The following CDH9 variants were observed in gnomAD, a reference collection of about 807,000 sequenced individuals.
CDH9 encodes cadherin 9.
In CDH9, 28 loss-of-function variants were observed where a neutral mutation model predicts 70.9. That is an observed-to-expected ratio of 0.40 (90% CI 0.29 to 0.54). The LOEUF (loss-of-function observed/expected upper bound fraction) is 0.54. Ranked by LOEUF, CDH9 falls within the 20% of genes least tolerant of loss-of-function variation. CDH9 has a pLI of 0.59. For synonymous variants in CDH9, 409 were observed against 343.1 expected (o/e 1.19, Z -2.12); for missense variants, 874 against 984.4 (o/e 0.89, Z 1.50).
At chr5:27,019,367 A>T (rs1743098352) in intron 1 of CDH9, among the ~76,000 whole-genome samples, 1 of 152,026 alleles carries the variant, frequency 6.6e-6, no homozygotes, top group Non-Finnish European at 1.5e-5. Context: ...GTTTTTTTCT[A>T]AAATGCTAAT....
intron 1 of CDH9, among the ~76,000 whole-genome samples, chr5:27,020,065 T>C (rs1393835198): frequency 6.6e-6 from 1 of 151,800 alleles, no homozygotes; most frequent in Non-Finnish European, 1.5e-5. Flanking sequence ...TGATAATATA[T>C]TCATTATAAT....
chr5:27,015,525 G>A (rs1743032880), intron 1 of CDH9, among the ~76,000 whole-genome samples: 1 of 151,596 alleles, frequency 6.6e-6, no homozygotes, highest in Non-Finnish European at 1.5e-5. Context: ...AGCATCATTA[G>A]TCATTAGATA....
chr5:27,032,650 T>A (rs1437261451), intron 1 of CDH9, among the ~76,000 whole-genome samples: 1 of 151,578 alleles, frequency 6.6e-6, no homozygotes, highest in Non-Finnish European at 1.5e-5. Context: ...GAAGGAGTGG[T>A]AGTAATAAAA....
At chr5:27,000,067 G>T (rs1015927727) in intron 1 of CDH9, among the ~76,000 whole-genome samples, 1 of 151,940 alleles carries the variant, frequency 6.6e-6, no homozygotes, top group Non-Finnish European at 1.5e-5. Context: ...TTATTTTTTT[G>T]TGTAAAACAG....
At chr5:26,905,367 C>T (rs1232472931) in intron 5 of CDH9, among the ~76,000 whole-genome samples, 7 of 152,084 alleles carry the variant, frequency 4.6e-5, no homozygotes, top group African/African-American at 7.2e-5. Flanking sequence ...AACTTGAATA[C>T]GTCTAAAATG....
chr5:26,964,188 G>A (rs944979598), intron 2 of CDH9, among the ~76,000 whole-genome samples: 15 of 151,512 alleles, frequency 9.9e-5, no homozygotes, highest in African/African-American at 3.4e-4. Flanking sequence ...ACTCTATGCT[G>A]ATTAATACAC....
chr5:26,994,673 T>C (rs1006755246), intron 1 of CDH9, among the ~76,000 whole-genome samples: 1 of 152,194 alleles, frequency 6.6e-6, no homozygotes, highest in Non-Finnish European at 1.5e-5. Context: ...GCATTCATTT[T>C]GGATTCCCCA....
intron 2 of CDH9, among the ~76,000 whole-genome samples, chr5:26,977,539 G>C (rs1030830678): frequency 1.4e-5 from 2 of 147,306 alleles, no homozygotes; most frequent in East Asian, 3.9e-4. Context: ...AGCAAACAAA[G>C]ACTGGAAAGA....
chr5:27,032,377 C>T (rs1743323375), intron 1 of CDH9, among the ~76,000 whole-genome samples: 1 of 151,388 alleles, frequency 6.6e-6, no homozygotes, highest in Non-Finnish European at 1.5e-5. Context: ...AATAAGTGTA[C>T]ATATTATTAT....
chr5:26,886,729 A>C (rs1433214348), intron 9 of CDH9, among the ~76,000 whole-genome samples: 1 of 152,150 alleles, frequency 6.6e-6, no homozygotes, highest in Non-Finnish European at 1.5e-5. Context: ...TCAATGTTGA[A>C]GTTTCAAAAT....
At chr5:26,993,370 A>T (rs1423105902) in intron 1 of CDH9, among the ~76,000 whole-genome samples, 1 of 152,200 alleles carries the variant, frequency 6.6e-6, no homozygotes, top group African/African-American at 2.4e-5. Context: ...GAAGGAGCAT[A>T]TTGGCTTCTC....
chr5:26,964,063 G>A (rs563517673), intron 2 of CDH9, among the ~76,000 whole-genome samples: 5 of 152,134 alleles, frequency 3.3e-5, no homozygotes, highest in Admixed American at 2.6e-4. Context: ...ATAAAAAATT[G>A]TGAAGAGTAT....
At chr5:26,897,118 GGAA>G (rs1314935102) in intron 7 of CDH9, among the ~76,000 whole-genome samples, 6 of 151,966 alleles carry the variant, frequency 3.9e-5, no homozygotes, top group African/African-American at 1.4e-4. Context: ...GACTAAACCA[GGAA>G]GAAGTTGAAT....
chr5:26,903,358 T>C, intron 6 of CDH9: 1 of 512,260 alleles, frequency 2.0e-6, no homozygotes, highest in Non-Finnish European at 3.5e-6. Context: ...TGTGTTTATA[T>C]TTTCCTCTAT....
intron 7 of CDH9, among the ~76,000 whole-genome samples, chr5:26,897,846 T>C (rs943034692): frequency 6.6e-6 from 1 of 151,992 alleles, no homozygotes; most frequent in African/African-American, 2.4e-5. Flanking sequence ...GAGAAAGAAA[T>C]AAAGGGTATT....
At chr5:26,920,613 TAC>T (rs773220324) in intron 2 of CDH9, among the ~76,000 whole-genome samples, 2 of 152,048 alleles carry the variant, frequency 1.3e-5, no homozygotes, top group Non-Finnish European at 2.9e-5. Context: ...GTGTCACCCC[TAC>T]CCCAGCTGCA....
chr5:27,002,355 A>T (rs1742785685), intron 1 of CDH9, among the ~76,000 whole-genome samples: 1 of 152,180 alleles, frequency 6.6e-6, no homozygotes, highest in Admixed American at 6.5e-5. Context: ...TGTGGAAGAC[A>T]GTGTGGTGAT....
Position 26,920,213 on chromosome 5 carries a change from T to C in CDH9, c.229-4289A>G, listed in dbSNP as rs184318579. ...AGAGCCCTTGGGCCTTGAGTGAACA[T>C]TGGCGGTAGCTAGGCAGTACTTGTC... On this transcript the variant is annotated intron_variant, in intron 2 of 11. Coordinates refer to ENST00000231021, the MANE Select transcript of CDH9 (RefSeq NM_016279.4). Among the ~76,000 whole-genome samples, 60 of 151,872 alleles carry C rather than the reference T, an allele frequency of 4.0e-4. 1 individual carries two copies. The highest frequency in any genetic ancestry group is 1.3e-3 in the Admixed American group (20 of 15,260).
intron 1 of CDH9, among the ~76,000 whole-genome samples, chr5:27,029,893 G>A (rs1413884156): frequency 1.3e-5 from 2 of 151,932 alleles, no homozygotes; most frequent in Non-Finnish European, 2.9e-5. Flanking sequence ...ATGGAAGTGA[G>A]ACACAAGATC....
Sources: allele counts gnomAD v4.1 joint callset (sites outside exome capture counted in the v4.1 genomes callset), GRCh38; gene constraint gnomAD v4.1.1; transcripts MANE v1.5; gene names NCBI Gene and HGNC (gene_info 2026-07-23, HGNC 2026-07-21).